The following SYN3 variants were observed in gnomAD, a reference collection of about 807,000 sequenced individuals.
SYN3 encodes the protein synapsin-3.
Under a neutral mutation model 65.8 loss-of-function variants are expected in SYN3, and 35 were observed. The observed-to-expected ratio is 0.53, with a 90% CI of 0.41 to 0.70. The LOEUF (loss-of-function observed/expected upper bound fraction) is 0.70, where lower values mean the gene tolerates loss of function less well. SYN3 is among the 30% of genes least tolerant of loss of function. SYN3 has a pLI of 0.00. For synonymous variants in SYN3, 270 were observed against 292.9 expected (o/e 0.92, Z 0.80); for missense variants, 680 against 749.0 (o/e 0.91, Z 1.08).
At chr22:32,849,370 G>C in intron 6 of SYN3, 8 of 1,198,480 alleles carry the variant, frequency 6.7e-6, no homozygotes, top group Non-Finnish European at 9.7e-6. Context: ...CTCCACAGAG[G>C]CTAGCGTGCC....
intron 3 of SYN3, among the ~76,000 whole-genome samples, chr22:32,942,681 G>T (rs945127287): frequency 6.6e-6 from 1 of 152,170 alleles, no homozygotes; most frequent in African/African-American, 2.4e-5. Context: ...CCATCGCAAA[G>T]AAGCTAAAAC....
chr22:32,883,254 G>A (rs903211516), intron 4 of SYN3, among the ~76,000 whole-genome samples: 1 of 152,222 alleles, frequency 6.6e-6, no homozygotes, highest in Non-Finnish European at 1.5e-5. Context: ...CCATAACCCA[G>A]TAAGGGCTTC....
intron 6 of SYN3, among the ~76,000 whole-genome samples, chr22:32,635,985 A>AT (rs138821331): frequency 1.3e-5 from 2 of 152,112 alleles, no homozygotes; most frequent in Admixed American, 6.6e-5. Flanking sequence ...CTACATACGT[A>AT]TTTTTTCCCT....
chr22:32,734,906 A>AT (rs1243250551), intron 6 of SYN3, among the ~76,000 whole-genome samples: 1 of 152,120 alleles, frequency 6.6e-6, no homozygotes, highest in Non-Finnish European at 1.5e-5. Context: ...TTCGGCATCC[A>AT]TTCTATTCTC....
At chr22:33,040,030 T>C (rs575204737) in intron 1 of SYN3, among the ~76,000 whole-genome samples, 3 of 149,320 alleles carry the variant, frequency 2.0e-5, no homozygotes, top group Admixed American at 1.3e-4. Context: ...TACACTTTTT[T>C]TTTCTTTTTT....
intron 6 of SYN3, among the ~76,000 whole-genome samples, chr22:32,771,301 T>A (rs535007454): frequency 6.6e-6 from 1 of 152,198 alleles, no homozygotes; most frequent in Non-Finnish European, 1.5e-5. Flanking sequence ...TCTGAAGTTG[T>A]CCACCATGGA....
At chr22:32,649,372 A>G (rs1601838750) in intron 6 of SYN3, among the ~76,000 whole-genome samples, 1 of 152,222 alleles carries the variant, frequency 6.6e-6, no homozygotes, top group South Asian at 2.1e-4. Flanking sequence ...ATGTTTCAAA[A>G]TTGTGACAAT....
intron 6 of SYN3, among the ~76,000 whole-genome samples, chr22:32,783,465 A>C (rs130546): frequency 0.62 from 93,946 of 152,098 alleles, 29,757 homozygotes; most frequent in East Asian, 0.89. Context: ...TGTGAATTAC[A>C]TTTTAAAATG....
intron 6 of SYN3, among the ~76,000 whole-genome samples, chr22:32,676,703 A>ATT (rs1254600102): frequency 3.6e-5 from 4 of 110,002 alleles, no homozygotes; most frequent in African/African-American, 1.5e-4. Context: ...CTCCCGGTTA[A>ATT]TTTTTTGTTT....
chr22:32,929,976 T>C (rs1007327879), intron 4 of SYN3, among the ~76,000 whole-genome samples: 3 of 152,198 alleles, frequency 2.0e-5, no homozygotes, highest in Admixed American at 2.0e-4. Context: ...AAGACTGTAA[T>C]TATTTAGTAT....
intron 6 of SYN3, among the ~76,000 whole-genome samples, chr22:32,855,229 A>G (rs187303349): frequency 1.4e-4 from 21 of 152,330 alleles, no homozygotes; most frequent in African/African-American, 5.0e-4. Context: ...AGTTCACAGT[A>G]TCGCCTTGGC....
In SYN3 at chr22:32,710,192, C is replaced by A. The variant is rs1043705204; in HGVS notation, c.712-113456G>T. 4.0e-5 allele frequency among the ~76,000 whole-genome samples: 6 copies of A among 150,278 alleles called. No homozygotes were observed. The East Asian group carries it at 8.0e-4, about 20-fold the overall frequency. ...GATATGGTTTGGATCTGTGTCCCTG[C>A]CCAAATCTCATGTGAAATGTAATCC... On this transcript the variant is annotated intron_variant, in intron 6 of 13. Coordinates refer to ENST00000358763, the MANE Select transcript of SYN3 (RefSeq NM_003490.4).
chr22:32,843,154 G>A (rs926776296), intron 6 of SYN3, among the ~76,000 whole-genome samples: 8 of 152,146 alleles, frequency 5.3e-5, no homozygotes, highest in East Asian at 1.9e-4. Context: ...CAGTTGGAAA[G>A]TAGGGACATT....
chr22:32,985,524 G>A (rs959550117), intron 2 of SYN3, among the ~76,000 whole-genome samples: 5 of 152,308 alleles, frequency 3.3e-5, no homozygotes, highest in Admixed American at 2.6e-4. Context: ...AGGGGTGGTA[G>A]GGCAGGGATT....
At chr22:32,890,411 C>T (rs536421610) in intron 4 of SYN3, among the ~76,000 whole-genome samples, 13 of 152,036 alleles carry the variant, frequency 8.6e-5, no homozygotes, top group Admixed American at 3.3e-4. Flanking sequence ...GACAGAGTCT[C>T]GCTCTGTCAC....
intron 6 of SYN3, among the ~76,000 whole-genome samples, chr22:32,725,254 A>C (rs935924252): frequency 6.6e-6 from 1 of 152,172 alleles, no homozygotes. Context: ...GGATGATCCC[A>C]GTAAAGCATG....
intron 1 of SYN3, among the ~76,000 whole-genome samples, chr22:33,033,162 A>G (rs1178379366): frequency 6.6e-6 from 1 of 151,926 alleles, no homozygotes; most frequent in Non-Finnish European, 1.5e-5. Flanking sequence ...TTGTATTTTT[A>G]GTAGAGACGG....
chr22:32,636,677 T>A (rs9621512), intron 6 of SYN3, among the ~76,000 whole-genome samples: 1 of 152,040 alleles, frequency 6.6e-6, no homozygotes, highest in Non-Finnish European at 1.5e-5. Context: ...ATCTAGACAC[T>A]CTGAATTATT....
intron 2 of SYN3, among the ~76,000 whole-genome samples, chr22:33,002,910 G>A (rs992212234): frequency 3.9e-5 from 6 of 152,108 alleles, no homozygotes; most frequent in African/African-American, 1.4e-4. Flanking sequence ...GTTGTGGGAG[G>A]GATTCAGTGG....
Sources: allele counts gnomAD v4.1 joint callset (sites outside exome capture counted in the v4.1 genomes callset), GRCh38; gene constraint gnomAD v4.1.1; transcripts MANE v1.5; gene names NCBI Gene and HGNC (gene_info 2026-07-23, HGNC 2026-07-21).